ACTA2: variants seen among roughly 807,000 people sequenced by gnomAD.
ACTA2 encodes the protein actin alpha 2, smooth muscle.
A neutral mutation model predicts 39.5 loss-of-function variants in ACTA2; 12 were observed. The observed-to-expected ratio is 0.30, with a 90% CI of 0.19 to 0.49. The LOEUF (loss-of-function observed/expected upper bound fraction) is 0.49. ACTA2 is among the 20% of genes least tolerant of loss of function. The pLI is 0.99. For synonymous variants in ACTA2, 158 were observed against 180.6 expected, an observed-to-expected ratio of 0.88 and a Z score of 1.00; for missense variants, 236 against 498.8, an observed-to-expected ratio of 0.47 and a Z score of 5.02.
intron 2 of ACTA2, chr10:88,948,593 A>C (rs905479706): frequency 5.0e-6 from 3 of 601,354 alleles, no homozygotes; most frequent in Non-Finnish European, 8.8e-6. Context: ...AAAAAGGGGC[A>C]GACTTTGTAT....
chr10:88,968,941 T>G (rs1223160882), intron 1 of ACTA2, among the ~76,000 whole-genome samples: 1 of 152,122 alleles, frequency 6.6e-6, no homozygotes, highest in African/African-American at 2.4e-5. Context: ...TTGGTATTCA[T>G]AAAACATTAC....
chr10:88,974,448 A>C (rs1477838939), intron 1 of ACTA2: 1 of 152,240 alleles, frequency 6.6e-6, no homozygotes, highest in African/African-American at 2.4e-5. Flanking sequence ...TTGCTAGAGA[A>C]TGCAATTTAT....
chr10:88,964,647 A>AT (rs1350319835), intron 1 of ACTA2, among the ~76,000 whole-genome samples: 10 of 152,148 alleles, frequency 6.6e-5, no homozygotes, highest in African/African-American at 1.4e-4. Flanking sequence ...GGGCAGAGAG[A>AT]TTTTTTGTAT....
intron 1 of ACTA2, among the ~76,000 whole-genome samples, chr10:88,960,769 T>C (rs1010387367): frequency 6.6e-6 from 1 of 152,144 alleles, no homozygotes; most frequent in African/African-American, 2.4e-5. Context: ...TAGTTTACGG[T>C]GTAAAGGGTG....
intron 4 of ACTA2, 60 bp from the exon 5 acceptor site, chr10:88,941,929 G>A: frequency 6.8e-7 from 1 of 1,476,044 alleles, no homozygotes; most frequent in Non-Finnish European, 9.3e-7. Flanking sequence ...AGAATGGTCA[G>A]GAGAGCACAC....
intron 1 of ACTA2, among the ~76,000 whole-genome samples, chr10:88,979,343 A>C (rs2133343742): frequency 6.6e-6 from 1 of 152,288 alleles, no homozygotes; most frequent in East Asian, 1.9e-4. Context: ...TAGGAAGGGA[A>C]GACTTGTGGC....
intron 1 of ACTA2, among the ~76,000 whole-genome samples, chr10:88,963,882 T>C (rs978428610): frequency 6.6e-6 from 1 of 152,190 alleles, no homozygotes; most frequent in Non-Finnish European, 1.5e-5. Context: ...TTTCTGCATG[T>C]CCACACTTTA....
intron 1 of ACTA2, among the ~76,000 whole-genome samples, chr10:88,988,416 GTTTTTTTT>G (rs748275082): frequency 4.8e-4 from 6 of 12,482 alleles, no homozygotes; most frequent in East Asian, 5.6e-3. Flanking sequence ...AGATGTAGAA[GTTTTTTTT>G]TTTTTTTGTT....
chr10:88,940,440 G>T (rs1377043857), intron 6 of ACTA2: 1 of 155,266 alleles, frequency 6.4e-6, no homozygotes, highest in Non-Finnish European at 1.4e-5. Flanking sequence ...ATTGCAAGTG[G>T]AGACTTTAAC....
chr10:88,957,560 C>T (rs1357030020), upstream of ACTA2, among the ~76,000 whole-genome samples: 2 of 152,166 alleles, frequency 1.3e-5, no homozygotes, highest in Non-Finnish European at 2.9e-5. Context: ...AACATTGCCC[C>T]GGTGATATGG....
At chr10:88,960,635 G>C (rs746590893) in intron 1 of ACTA2, among the ~76,000 whole-genome samples, 1 of 147,378 alleles carries the variant, frequency 6.8e-6, no homozygotes, top group African/African-American at 2.5e-5. Flanking sequence ...TGGCCCGAAG[G>C]TTCCTGGAAT....
At chr10:88,975,506 T>A (rs1218036785) in intron 1 of ACTA2, among the ~76,000 whole-genome samples, 3 of 152,062 alleles carry the variant, frequency 2.0e-5, no homozygotes, top group Non-Finnish European at 2.9e-5. Context: ...AAGAATCAGG[T>A]GGAACAGTAG....
chr10:88,939,458 G>T, intron 7 of ACTA2, 49 bp downstream of exon 7: 1 of 1,609,194 alleles, frequency 6.2e-7, no homozygotes, highest in Non-Finnish European at 8.5e-7. Flanking sequence ...GCTTGATATG[G>T]AAGAAGACAA....
chr10:88,980,299 C>T (rs988371332), intron 1 of ACTA2, among the ~76,000 whole-genome samples: 4 of 148,980 alleles, frequency 2.7e-5, no homozygotes, highest in African/African-American at 1.0e-4. Flanking sequence ...ATGGTTGACA[C>T]TTCAGGCCTT....
chr10:88,946,095 C>T lies in ACTA2; in HGVS notation c.258+1163G>A, dbSNP rs143119576. On this transcript the variant is annotated intron_variant, in intron 3 of 8. Transcript: ENST00000224784. ...GTTAATAAAACCTAATAGGCAAGGA[C>T]ATTTTTTTCCTTTTCTTTAGAGACA... Among the ~76,000 whole-genome samples, 17 of 151,998 alleles carry T rather than the reference C, an allele frequency of 1.1e-4. No homozygotes were observed. In the East Asian group the frequency reaches 2.1e-3, roughly 19 times the overall value.
intron 3 of ACTA2, among the ~76,000 whole-genome samples, chr10:88,944,559 C>T (rs1209132534): frequency 6.6e-6 from 1 of 152,176 alleles, no homozygotes; most frequent in African/African-American, 2.4e-5. Context: ...TTGCAGTGTA[C>T]ATGAAGAAGA....
chr10:88,988,216 A>C (rs576829046), intron 1 of ACTA2, among the ~76,000 whole-genome samples: 1 of 152,218 alleles, frequency 6.6e-6, no homozygotes, highest in Admixed American at 6.5e-5. Flanking sequence ...AGTTTTTCTA[A>C]AGACAACTTG....
At chr10:88,985,478 A>G (rs1023939768) in intron 1 of ACTA2, among the ~76,000 whole-genome samples, 1 of 152,156 alleles carries the variant, frequency 6.6e-6, no homozygotes, top group African/African-American at 2.4e-5. Flanking sequence ...TTTCTACCCA[A>G]GTGCTCTGGG....
chr10:88,970,702 C>T (rs984311631), intron 1 of ACTA2, among the ~76,000 whole-genome samples: 1 of 152,064 alleles, frequency 6.6e-6, no homozygotes, highest in Non-Finnish European at 1.5e-5. Flanking sequence ...AGGAACATCA[C>T]ACACCGGGGC....
Sources: allele counts gnomAD v4.1 joint callset (sites outside exome capture counted in the v4.1 genomes callset), GRCh38; gene constraint gnomAD v4.1.1; transcripts MANE v1.5; gene names NCBI Gene and HGNC (gene_info 2026-07-23, HGNC 2026-07-21).